The following NTNG1 variants were observed in gnomAD, a reference collection of about 807,000 sequenced individuals.
NTNG1 encodes netrin-G1.
Under a neutral mutation model 54.0 loss-of-function variants are expected in NTNG1, and 16 were observed. The ratio of observed to expected loss-of-function variants is 0.30; its 90% CI spans 0.20 to 0.45. The LOEUF (loss-of-function observed/expected upper bound fraction) is 0.45. NTNG1 is among the 20% of genes least tolerant of loss of function. The pLI is 1.00. For synonymous variants in NTNG1, 255 were observed against 263.1 expected (o/e 0.97, Z 0.30); for missense variants, 530 against 678.7 (o/e 0.78, Z 2.43).
chr1:107,249,482 CAAAAAA>C (rs10564675), intron 2 of NTNG1, among the ~76,000 whole-genome samples: 1 of 120,548 alleles, frequency 8.3e-6, no homozygotes, highest in Non-Finnish European at 1.8e-5. Flanking sequence ...AACTCCGTCT[CAAAAAA>C]AAAAAAAAAA....
At chr1:107,326,017 A>G (rs10881462) in intron 3 of NTNG1, among the ~76,000 whole-genome samples, 99,766 of 151,918 alleles carry the variant, frequency 0.66, 33,249 homozygotes, top group Non-Finnish European at 0.71. Context: ...GAAGTGTTGA[A>G]ACTTTCTGGT....
intron 2 of NTNG1, among the ~76,000 whole-genome samples, chr1:107,259,825 C>G (rs1367621681): frequency 2.0e-5 from 3 of 152,064 alleles, no homozygotes; most frequent in Non-Finnish European, 2.9e-5. Flanking sequence ...CTCTACTTTT[C>G]TTCTTTAAAT....
At chr1:107,190,402 T>A (rs1011394745) in intron 2 of NTNG1, among the ~76,000 whole-genome samples, 3 of 152,130 alleles carry the variant, frequency 2.0e-5, no homozygotes, top group Non-Finnish European at 1.5e-5. Flanking sequence ...TTCTTGAGCA[T>A]CTTTTTGTAC....
chr1:107,444,300 A>G (rs1676172170), intron 7 of NTNG1, among the ~76,000 whole-genome samples: 1 of 152,166 alleles, frequency 6.6e-6, no homozygotes, highest in Admixed American at 6.6e-5. Flanking sequence ...GTCAGGGCTT[A>G]TGCTGTGGAA....
At chr1:107,466,419 C>G (rs181210374) in intron 7 of NTNG1, among the ~76,000 whole-genome samples, 11 of 152,312 alleles carry the variant, frequency 7.2e-5, no homozygotes, top group Admixed American at 2.0e-4. Flanking sequence ...CTGTTCTAGG[C>G]ATTGCACACT....
chr1:107,435,464 C>G (rs942585738), intron 6 of NTNG1, among the ~76,000 whole-genome samples: 6 of 152,018 alleles, frequency 3.9e-5, no homozygotes, highest in Non-Finnish European at 7.4e-5. Context: ...ATGCTGAACT[C>G]GAAACCTGAC....
intron 3 of NTNG1, among the ~76,000 whole-genome samples, chr1:107,362,016 C>T (rs1670331118): frequency 6.6e-6 from 1 of 152,082 alleles, no homozygotes; most frequent in South Asian, 2.1e-4. Context: ...CCCTGAACAA[C>T]ATTGCAGAAA....
At chr1:107,273,136 C>T (rs1664250152) in intron 2 of NTNG1, among the ~76,000 whole-genome samples, 1 of 152,092 alleles carries the variant, frequency 6.6e-6, no homozygotes, top group Admixed American at 6.5e-5. Context: ...AGTATCAGGC[C>T]TTGCTAGATG....
chr1:107,395,182 T>A lies in NTNG1; in HGVS notation c.916T>A (p.Cys306Ser). Residue 306 changes from cysteine to serine, a missense_variant, in exon 4 of 8, where the codon TGT (cysteine) becomes AGT (serine). By Grantham distance (112) the Cys-to-Ser change is moderately radical. Around this residue, in one of 2 missense-constraint regions of NTNG1, gnomAD observed 318 missense variants for 465.1 expected, o/e 0.68. Transcript: ENST00000370068. The stretch of plus-strand genomic sequence containing the variant: ...CAAGTGTAATCTCCATGCCACTGTA[T>A]GTGTGTATGACAACAGCAAATTGAC... ...RCKCNLHATV[C>S]VYDNSKLTCE... 2 of 1,613,452 alleles carry A rather than the reference T, an allele frequency of 1.2e-6. No homozygotes were observed. The highest frequency in any genetic ancestry group is 1.7e-6 in the Non-Finnish European group (2 of 1,179,514).
At chr1:107,240,406 C>T (rs1661748446) in intron 2 of NTNG1, among the ~76,000 whole-genome samples, 1 of 151,910 alleles carries the variant, frequency 6.6e-6, no homozygotes, top group Admixed American at 6.6e-5. Flanking sequence ...GTGTACCTGA[C>T]CTTTGCACTC....
chr1:107,224,650 A>G (rs1660562251), intron 2 of NTNG1, among the ~76,000 whole-genome samples: 1 of 152,056 alleles, frequency 6.6e-6, no homozygotes, highest in African/African-American at 2.4e-5. Flanking sequence ...ACTCGATTCC[A>G]TTTACCTGCC....
At chr1:107,207,270 A>C (rs554715791) in intron 2 of NTNG1, among the ~76,000 whole-genome samples, 7 of 152,264 alleles carry the variant, frequency 4.6e-5, no homozygotes, top group Non-Finnish European at 1.0e-4. Context: ...TGACACCTAG[A>C]GATTTCATTT....
At position 107,424,716 on chromosome 1, in the gene NTNG1, G is replaced by A. The variant is rs1472862827; in HGVS notation, c.1088-6034G>A. Among the ~76,000 whole-genome samples, 4 of 152,096 alleles carry A rather than the reference G, an allele frequency of 2.6e-5. 1 individual carries two copies. The highest frequency in any genetic ancestry group is 5.9e-5 in the Non-Finnish European group (4 of 68,020). On this transcript the variant is annotated intron_variant, in intron 5 of 7. Transcript: ENST00000370068. ...GAAGGCAACCCAAGAGCTCAGTTTT[G>A]AACAAGTTAAAGTTGAAATGTTTAT...
intron 6 of NTNG1, among the ~76,000 whole-genome samples, chr1:107,436,407 C>T (rs973213130): frequency 2.6e-5 from 4 of 152,178 alleles, no homozygotes; most frequent in African/African-American, 4.8e-5. Context: ...ATCTCCATTA[C>T]GATCTGTTAC....
Position 107,476,942 on chromosome 1 carries a change from G to C in NTNG1, c.1391-3669G>C, listed in dbSNP as rs192995665. ...GGCAGAAAACTGAAACCATTTCTAG[G>C]TATTTCAACAGAGAGAATTTATTAA... On this transcript the variant is annotated intron_variant, in intron 7 of 7. Coordinates refer to ENST00000370068, the MANE Select transcript of NTNG1 (RefSeq NM_001113226.3). Among the ~76,000 whole-genome samples, 275 of 152,294 alleles carry C rather than the reference G, an allele frequency of 1.8e-3. 3 individuals carry two copies. Among genetic ancestry groups the C allele is most frequent in the African/African-American group, 6.3e-3 (260 of 41,542 alleles).
chr1:107,350,391 T>G (rs1422839663), intron 3 of NTNG1, among the ~76,000 whole-genome samples: 2 of 152,236 alleles, frequency 1.3e-5, no homozygotes, highest in African/African-American at 4.8e-5. Context: ...TTAATCAAAT[T>G]TATCCATAGT....
chr1:107,286,786 C>T (rs1055735265), intron 2 of NTNG1, among the ~76,000 whole-genome samples: 1 of 152,052 alleles, frequency 6.6e-6, no homozygotes, highest in Non-Finnish European at 1.5e-5. Flanking sequence ...AATATTAATT[C>T]CTGGTTGTTG....
intron 2 of NTNG1, among the ~76,000 whole-genome samples, chr1:107,189,819 T>TAAAA (rs66974543): frequency 7.0e-6 from 1 of 143,594 alleles, no homozygotes. Flanking sequence ...AGTCAAAAGT[T>TAAAA]AAAAAAAAAA....
At chr1:107,233,785 A>C (rs780254763) in intron 2 of NTNG1, among the ~76,000 whole-genome samples, 6 of 152,206 alleles carry the variant, frequency 3.9e-5, no homozygotes, top group African/African-American at 1.4e-4. Context: ...GTTAATGACC[A>C]TATGGCTTTG....
Sources: gnomAD v4.1 joint callset for allele counts (sites outside exome capture counted in the v4.1 genomes callset) on GRCh38, gnomAD v4.1.1 for gene constraint, gnomAD v4.1.1 regional missense constraint, MANE v1.5 for transcripts, NCBI Gene and HGNC (gene_info 2026-07-23, HGNC 2026-07-21) for gene names.